Variants in KANK1 observed in about 807,000 individuals in gnomAD.
KANK1 encodes KN motif and ankyrin repeat domains 1.
Under a neutral mutation model 106.2 loss-of-function variants are expected in KANK1, and 109 were observed. The observed-to-expected ratio is 1.03, with a 90% CI of 0.88 to 1.20. KANK1 has a LOEUF of 1.20. KANK1 is among the 50% of genes most tolerant of loss of function. The pLI, the probability that KANK1 is intolerant of heterozygous loss-of-function variation, is 0.00. For synonymous variants in KANK1, 873 were observed against 652.2 expected (o/e 1.34, Z -5.16); for missense variants, 2,399 against 1,710.7 (o/e 1.40, Z -7.10).
At chr9:555,311 G>T (rs902402994) in intron 1 of KANK1, among the ~76,000 whole-genome samples, 10 of 152,298 alleles carry the variant, frequency 6.6e-5, no homozygotes, top group African/African-American at 2.4e-4. Flanking sequence ...TGGGAAGACA[G>T]TGGGGACACC....
At chr9:663,171 G>A (rs1843753514) in intron 1 of KANK1, among the ~76,000 whole-genome samples, 1 of 151,938 alleles carries the variant, frequency 6.6e-6, no homozygotes, top group Non-Finnish European at 1.5e-5. Context: ...GAAAATAAAT[G>A]AGAACTGTAC....
chr9:526,769 A>G (rs1214558681), intron 1 of KANK1, among the ~76,000 whole-genome samples: 1 of 151,584 alleles, frequency 6.6e-6, no homozygotes, highest in Non-Finnish European at 1.5e-5. Flanking sequence ...TGACTGCTTT[A>G]GATCTGTGAA....
intron 1 of KANK1, among the ~76,000 whole-genome samples, chr9:629,790 C>T (rs59995713): frequency 5.9e-5 from 9 of 152,180 alleles, no homozygotes; most frequent in East Asian, 3.9e-4. Context: ...GAGAATTAGA[C>T]GAATGGGCAC....
intron 3 of KANK1, among the ~76,000 whole-genome samples, chr9:724,933 A>G (rs1371041675): frequency 6.6e-6 from 1 of 152,234 alleles, no homozygotes; most frequent in African/African-American, 2.4e-5. Context: ...TGCTTTATCT[A>G]CTTTGCTTAA....
rs529670477 is a variant in KANK1 at position 605,223 on chromosome 9, C to T, written c.-83-71667C>T. ...GACTGAGGCAGGAGAATCACTTGAA[C>T]GTGGGAGGCAGAGGTTGCAGTGAGC... is the stretch of plus-strand genomic sequence containing the variant. On this transcript the variant is annotated intron_variant, in intron 1 of 11. Coordinates refer to ENST00000382297, the MANE Select transcript of KANK1 (RefSeq NM_015158.5). 8.2e-5 allele frequency among the ~76,000 whole-genome samples: 12 copies of T among 146,998 alleles called. No homozygotes were observed. In the South Asian group the frequency reaches 1.5e-3, roughly 18 times the overall value.
chr9:619,193 G>C (rs977722153), intron 1 of KANK1, among the ~76,000 whole-genome samples: 4 of 152,172 alleles, frequency 2.6e-5, no homozygotes, highest in Admixed American at 6.5e-5. Context: ...GAACAGGGGA[G>C]AGCTACAGTG....
At chr9:739,895 G>C (rs960253754) in intron 8 of KANK1, among the ~76,000 whole-genome samples, 1 of 151,966 alleles carries the variant, frequency 6.6e-6, no homozygotes, top group Non-Finnish European at 1.5e-5. Context: ...AAGCGCACAC[G>C]AATTCACCTG....
chr9:588,700 A>G (rs902265918), intron 1 of KANK1, among the ~76,000 whole-genome samples: 1 of 152,266 alleles, frequency 6.6e-6, no homozygotes, highest in Non-Finnish European at 1.5e-5. Context: ...ATTTCTATCT[A>G]GCACCCACTT....
chr9:520,807 T>G (rs2059510686), intron 1 of KANK1, among the ~76,000 whole-genome samples: 1 of 151,808 alleles, frequency 6.6e-6, no homozygotes, highest in South Asian at 2.1e-4. Flanking sequence ...TTTCCATTAG[T>G]TGTTTCCCAT....
chr9:473,344 C>G (rs1053767179), intron 3 of KANK1: 1 of 152,206 alleles, frequency 6.6e-6, no homozygotes, highest in Non-Finnish European at 1.5e-5. Context: ...AAGGAAAGTG[C>G]ACACAGCTTG....
At chr9:515,397 G>A (rs114702669) in intron 1 of KANK1, among the ~76,000 whole-genome samples, 1 of 149,950 alleles carries the variant, frequency 6.7e-6, no homozygotes, top group Non-Finnish European at 1.5e-5. Context: ...TAGAGACATT[G>A]TATCAGTTCT....
At chr9:670,058 T>G (rs1330509949) in intron 1 of KANK1, among the ~76,000 whole-genome samples, 1 of 152,174 alleles carries the variant, frequency 6.6e-6, no homozygotes, top group Non-Finnish European at 1.5e-5. Flanking sequence ...ATTTTTCAAT[T>G]TCAAGATTCG....
intron 1 of KANK1, among the ~76,000 whole-genome samples, chr9:620,361 A>C (rs1383889713): frequency 6.6e-6 from 1 of 152,124 alleles, no homozygotes; most frequent in Non-Finnish European, 1.5e-5. Context: ...CATAGTAAAC[A>C]ACACGTAATT....
chr9:705,589 A>T (rs998646352), intron 2 of KANK1, among the ~76,000 whole-genome samples: 1 of 149,000 alleles, frequency 6.7e-6, no homozygotes, highest in Non-Finnish European at 1.5e-5. Flanking sequence ...AAAAAAATGT[A>T]TATTTTTTTT....
chr9:655,030 C>T (rs1255342576), intron 1 of KANK1, among the ~76,000 whole-genome samples: 1 of 152,048 alleles, frequency 6.6e-6, no homozygotes, highest in African/African-American at 2.4e-5. Context: ...GTCTCACCCC[C>T]AGAGATTAGT....
chr9:505,710 C>G (rs929652063), intron 1 of KANK1, among the ~76,000 whole-genome samples: 1 of 152,212 alleles, frequency 6.6e-6, no homozygotes, highest in Non-Finnish European at 1.5e-5. Context: ...GCTTTCCGCA[C>G]GTGGCCTCTG....
In KANK1 at chr9:691,394, G is replaced by A. The variant is rs112729430; in HGVS notation, c.37+14385G>A. ...TCTTTTGATAGTTTTAAAATTGTATGTGTGTGTGTGTATATATATATATAT... is the reference window on the plus strand; with the variant it reads ...TCTTTTGATAGTTTTAAAATTGTATATGTGTGTGTGTATATATATATATAT... On this transcript the variant is annotated intron_variant, in intron 2 of 11. Transcript: ENST00000382297. 5.1e-3 allele frequency among the ~76,000 whole-genome samples: 768 copies of A among 149,292 alleles called. 7 individuals carry two copies. The highest frequency in any genetic ancestry group is 0.018 in the African/African-American group (721 of 40,528).
chr9:671,623 A>AAAAAAAAAAAAAGAAG lies in KANK1; in HGVS notation c.-83-5263_-83-5262insAAAAAAAAGAAGAAAA, dbSNP rs79437342. The stretch of plus-strand genomic sequence containing the variant: ...AGAGCGAAACTCCGTCTCAAAAAAA[A>AAAAAAAAAAAAAGAAG]AAAAGAGTGTACTGGTTAAGTACTG... On this transcript the variant is annotated intron_variant, in intron 1 of 11. Coordinates refer to ENST00000382297, the MANE Select transcript of KANK1 (RefSeq NM_015158.5). 4.8e-3 allele frequency among the ~76,000 whole-genome samples: 501 copies of AAAAAAAAAAAAAGAAG among 103,584 alleles called. 36 individuals are homozygous for AAAAAAAAAAAAAGAAG. Among genetic ancestry groups the AAAAAAAAAAAAAGAAG allele is most frequent in the African/African-American group, 0.012 (275 of 22,498 alleles). The allele number at this position is 103,584 out of a possible 152,430, so 68.0% of individuals were successfully genotyped here. A position where few individuals can be genotyped will look rare whatever the true frequency, so the allele number is the denominator to read the frequency against.
chr9:661,430 C>T (rs975301838), intron 1 of KANK1, among the ~76,000 whole-genome samples: 3 of 152,098 alleles, frequency 2.0e-5, no homozygotes, highest in Admixed American at 2.0e-4. Flanking sequence ...CAGCTTCATC[C>T]ATGTCCCTAC....
Sources: gnomAD v4.1 joint callset for allele counts (sites outside exome capture counted in the v4.1 genomes callset) on GRCh38, gnomAD v4.1.1 for gene constraint, MANE v1.5 for transcripts, NCBI Gene and HGNC (gene_info 2026-07-23, HGNC 2026-07-21) for gene names.